Variants in PITPNC1 observed in about 807,000 individuals in gnomAD.
PITPNC1 encodes cytoplasmic phosphatidylinositol transfer protein 1.
A neutral mutation model predicts 44.7 loss-of-function variants in PITPNC1; 18 were observed. That is an observed-to-expected ratio of 0.40 (90% confidence interval 0.28 to 0.60). The LOEUF (loss-of-function observed/expected upper bound fraction) is 0.60. PITPNC1 is among the 20% of genes least tolerant of loss of function. The pLI is 0.39. For missense variants in PITPNC1, 290 were observed against 418.4 expected (o/e 0.69, Z 2.68); for synonymous variants, 141 against 149.6 (o/e 0.94, Z 0.42).
intron 6 of PITPNC1, among the ~76,000 whole-genome samples, chr17:67,666,574 T>G (rs889104470): frequency 6.6e-6 from 1 of 152,226 alleles, no homozygotes; most frequent in African/African-American, 2.4e-5. Flanking sequence ...ACACTCATGG[T>G]GCCATGGACA....
In PITPNC1 at chr17:67,532,823, A is replaced by G. The variant is rs1433636798; in HGVS notation, c.70A>G (p.Met24Val). The G allele has an allele frequency of 6.4e-7, 1 of 1,573,602 alleles. No individual in the cohort carries two copies. The change falls in exon 2 of 9, where the codon ATG becomes GTG. Residue 24 changes from methionine to valine, a missense_variant. Physicochemically the swap from Met to Val is conservative, Grantham distance 21 (BLOSUM62 1). Coordinates refer to ENST00000581322, the MANE Select transcript of PITPNC1 (RefSeq NM_012417.4). ...VDEYKIGQLY[M>V]ISKHSHEQSD... ...GTAGTACAAAATTGGACAGCTGTAC[A>G]TGATCAGCAAACACAGCCATGAACA...
intron 2 of PITPNC1, among the ~76,000 whole-genome samples, chr17:67,548,570 G>A (rs1329835549): frequency 6.6e-6 from 1 of 152,048 alleles, no homozygotes; most frequent in Non-Finnish European, 1.5e-5. Context: ...CAGCCTGGGC[G>A]ACAGAGCAAG....
intron 1 of PITPNC1, among the ~76,000 whole-genome samples, chr17:67,380,048 C>T (rs1257600848): frequency 1.3e-5 from 2 of 151,334 alleles, no homozygotes; most frequent in Non-Finnish European, 2.9e-5. Flanking sequence ...GCCCTTCCTT[C>T]CTTCCTTCCT....
intron 4 of PITPNC1, among the ~76,000 whole-genome samples, chr17:67,575,854 C>CCT (rs1568047805): frequency 1.5e-4 from 11 of 72,134 alleles, no homozygotes; most frequent in Admixed American, 7.0e-4. Context: ...TTCTTTCTTT[C>CCT]TTTCCTTCCT....
Position 67,571,353 on chromosome 17 carries a change from G to C in PITPNC1, c.295-6833G>C, listed in dbSNP as rs146351345. 7.4e-3 allele frequency among the ~76,000 whole-genome samples: 1,123 copies of C among 152,302 alleles called. 12 individuals carry two copies. Among genetic ancestry groups the C allele is most frequent in the African/African-American group, 0.025 (1,059 of 41,552 alleles). On this transcript the variant is annotated intron_variant, in intron 4 of 8. Coordinates refer to ENST00000581322, the MANE Select transcript of PITPNC1 (RefSeq NM_012417.4). ...AGGCTGAGGCGGGAGGATTGCTTAA[G>C]CCCAGGAGGTCAAGGCTGCGGCGAG...
chr17:67,592,399 A>T (rs755123747), intron 5 of PITPNC1, among the ~76,000 whole-genome samples: 6 of 152,194 alleles, frequency 3.9e-5, no homozygotes, highest in Non-Finnish European at 8.8e-5. Context: ...GGAGCAAAAG[A>T]CTAAATACTG....
chr17:67,413,003 G>T (rs950702987), intron 1 of PITPNC1, among the ~76,000 whole-genome samples: 2 of 152,150 alleles, frequency 1.3e-5, no homozygotes, highest in Non-Finnish European at 2.9e-5. Context: ...TACCTTCGGT[G>T]TTTTTGAGAA....
At chr17:67,683,783 G>A (rs1160975533) in intron 8 of PITPNC1, among the ~76,000 whole-genome samples, 1 of 151,628 alleles carries the variant, frequency 6.6e-6, no homozygotes, top group Non-Finnish European at 1.5e-5. Flanking sequence ...TTCGAGACCA[G>A]CCTGACCAAC....
intron 4 of PITPNC1, among the ~76,000 whole-genome samples, chr17:67,556,804 G>T (rs1221929290): frequency 6.6e-6 from 1 of 152,224 alleles, no homozygotes; most frequent in African/African-American, 2.4e-5. Context: ...GGAATGGAAG[G>T]AGCTAGGCAG....
chr17:67,608,644 TCA>T (rs899481727), intron 5 of PITPNC1, among the ~76,000 whole-genome samples: 2 of 150,302 alleles, frequency 1.3e-5, no homozygotes, highest in Non-Finnish European at 3.0e-5. Flanking sequence ...GCATGCACCG[TCA>T]CACCTGTCTA....
chr17:67,497,645 A>C (rs1042751363), intron 1 of PITPNC1, among the ~76,000 whole-genome samples: 7 of 145,782 alleles, frequency 4.8e-5, no homozygotes, highest in African/African-American at 1.8e-4. Context: ...CTCCCATCTC[A>C]TCCTCCTGAA....
intron 1 of PITPNC1, among the ~76,000 whole-genome samples, chr17:67,435,856 C>T (rs1042185734): frequency 3.9e-4 from 60 of 152,108 alleles, no homozygotes; most frequent in Non-Finnish European, 4.3e-4. Flanking sequence ...TGTCTACCAC[C>T]GCACCCTCCC....
intron 4 of PITPNC1, among the ~76,000 whole-genome samples, chr17:67,577,855 G>C (rs749515483): frequency 6.6e-6 from 1 of 152,188 alleles, no homozygotes. Context: ...AAGCTCACCA[G>C]AACTGGAACT....
chr17:67,600,673 T>A (rs916254883), intron 5 of PITPNC1, among the ~76,000 whole-genome samples: 3 of 151,900 alleles, frequency 2.0e-5, no homozygotes, highest in Admixed American at 6.6e-5. Context: ...AAGAATTTTT[T>A]AAATACATAG....
intron 7 of PITPNC1, 113 bp from the exon 8 acceptor site, chr17:67,675,366 G>C: frequency 1.3e-6 from 1 of 780,642 alleles, no homozygotes; most frequent in Admixed American, 1.9e-5. Context: ...CCTATGGACA[G>C]AGGGATTAAG....
Position 67,692,939 on chromosome 17 carries a change from T to TG in PITPNC1, c.*51_*52insG, listed in dbSNP as rs1376251295. 50 of 1,210,974 alleles carry TG rather than the reference T, an allele frequency of 4.1e-5. 1 individual carries two copies. The Middle Eastern group carries it at 6.0e-4, about 14-fold the overall frequency. The allele number at this position is 1,210,974 out of a possible 1,614,324, so 75.0% of individuals were successfully genotyped here. ...TTATATTTTCATTTGTTGTTGTTGT[T>TG]TTTTTTTAAGAATCTTCTGATAGAG... On this transcript the variant is annotated 3_prime_UTR_variant, in exon 9 of 9. Coordinates refer to ENST00000581322, the MANE Select transcript of PITPNC1 (RefSeq NM_012417.4).
At chr17:67,552,710 G>A (rs191103730) in intron 3 of PITPNC1, among the ~76,000 whole-genome samples, 46 of 150,800 alleles carry the variant, frequency 3.1e-4, no homozygotes, top group African/African-American at 5.8e-4. Context: ...GTGAAACCCC[G>A]TCTCTACTAA....
chr17:67,626,576 G>A lies in PITPNC1; in HGVS notation c.367-5567G>A, dbSNP rs532682140. On this transcript the variant is annotated intron_variant, in intron 5 of 8. Coordinates refer to ENST00000581322, the MANE Select transcript of PITPNC1 (RefSeq NM_012417.4). Reference sequence around the variant, plus strand: ...GTAGAGATGGGGTTTCACCATGTTGGCCAGGCTGGTCTTAAACTTCTGACC... The same window carrying A: ...GTAGAGATGGGGTTTCACCATGTTGACCAGGCTGGTCTTAAACTTCTGACC... Among the ~76,000 whole-genome samples the A allele has an allele frequency of 6.6e-5, 10 of 151,720 alleles. No homozygotes were observed. In the South Asian group the frequency reaches 2.1e-3, roughly 32 times the overall value.
At chr17:67,618,795 A>G (rs1051212282) in intron 5 of PITPNC1, among the ~76,000 whole-genome samples, 1 of 152,006 alleles carries the variant, frequency 6.6e-6, no homozygotes, top group African/African-American at 2.4e-5. Context: ...GCGGTGGCTC[A>G]TGCCTGTAAT....
Sources: gnomAD v4.1 joint callset for allele counts (sites outside exome capture counted in the v4.1 genomes callset) on GRCh38, gnomAD v4.1.1 for gene constraint, MANE v1.5 for transcripts, NCBI Gene and HGNC (gene_info 2026-07-23, HGNC 2026-07-21) for gene names.